ACTR3C: variants seen among roughly 807,000 people sequenced by gnomAD.
ACTR3C encodes actin-related protein 3C.
Under a neutral mutation model 26.3 loss-of-function variants are expected in ACTR3C, and 18 were observed. The ratio of observed to expected loss-of-function variants is 0.68; its 90% CI spans 0.47 to 1.01. The LOEUF (loss-of-function observed/expected upper bound fraction) is 1.01, where lower values mean the gene tolerates loss of function less well. Ranked by LOEUF, ACTR3C falls within the 50% of genes least tolerant of loss-of-function variation. The pLI, the probability that ACTR3C is intolerant of heterozygous loss-of-function variation, is 0.00. For synonymous variants in ACTR3C, 55 were observed against 94.5 expected (o/e 0.58, Z 2.42); for missense variants, 184 against 250.7 (o/e 0.73, Z 1.80).
the ACTR3C span, among the ~76,000 whole-genome samples, chr7:150,138,679 C>T: frequency 6.6e-6 from 1 of 152,270 alleles, no homozygotes; most frequent in Non-Finnish European, 1.5e-5. Context: ...GTAGTCTGTG[C>T]TCCCACAGTA....
At chr7:150,210,864 G>A in the ACTR3C span, among the ~76,000 whole-genome samples, 1 of 143,864 alleles carries the variant, frequency 7.0e-6, no homozygotes, top group Non-Finnish European at 1.5e-5. Flanking sequence ...TTATTAAACC[G>A]TACATTCTAA....
the ACTR3C span, among the ~76,000 whole-genome samples, chr7:150,186,617 C>G: frequency 6.6e-6 from 1 of 152,264 alleles, no homozygotes. Context: ...CCTCATTTTT[C>G]AACCCCCATA....
the ACTR3C span, among the ~76,000 whole-genome samples, chr7:150,169,232 AG>A: frequency 1.1e-3 from 163 of 149,882 alleles, 7 homozygotes; most frequent in East Asian, 0.013. Context: ...ATACAAAAAA[AG>A]TTAGCTGGGC....
At chr7:149,948,613 A>C in the ACTR3C span, among the ~76,000 whole-genome samples, 2 of 151,404 alleles carry the variant, frequency 1.3e-5, no homozygotes, top group East Asian at 3.9e-4. Context: ...GGCTGACCCC[A>C]TGGTCCCTCA....
At chr7:150,094,526 G>T in the ACTR3C span, among the ~76,000 whole-genome samples, 2 of 150,504 alleles carry the variant, frequency 1.3e-5, no homozygotes, top group East Asian at 1.9e-4. Flanking sequence ...CTGCTACCTC[G>T]TATGTGCCAG....
the ACTR3C span, among the ~76,000 whole-genome samples, chr7:150,048,693 C>T: frequency 1.3e-5 from 2 of 152,234 alleles, no homozygotes; most frequent in South Asian, 4.1e-4. Flanking sequence ...GCCCCCAGCT[C>T]TTCTTGCCTA....
At chr7:150,298,520 CTCCTCATGGG>C (rs2129613924) in intron 1 of ACTR3C, among the ~76,000 whole-genome samples, 1 of 146,714 alleles carries the variant, frequency 6.8e-6, no homozygotes, top group South Asian at 2.3e-4. Context: ...CTCCCTGAGT[CTCCTCATGGG>C]TAAAGTGCAG....
the ACTR3C span, among the ~76,000 whole-genome samples, chr7:150,144,732 A>G: frequency 6.6e-6 from 1 of 152,152 alleles, no homozygotes; most frequent in Non-Finnish European, 1.5e-5. The surrounding 1 kb of genome is among the most constrained non-coding windows in gnomAD (Gnocchi z 4.6). Context: ...GAAGCTCTAT[A>G]TTCTAACTGA....
At chr7:150,035,195 G>A in the ACTR3C span, among the ~76,000 whole-genome samples, 58 of 120,704 alleles carry the variant, frequency 4.8e-4, 3 homozygotes, top group Non-Finnish European at 8.0e-4. Flanking sequence ...CTCAGTCCCC[G>A]CCTCACGGGG....
chr7:150,287,265 A>G, intron 4 of ACTR3C, among the ~76,000 whole-genome samples: 1 of 152,004 alleles, frequency 6.6e-6, no homozygotes, highest in East Asian at 1.9e-4. Context: ...ACAATAAGCA[A>G]CCATAATAAG....
At chr7:150,035,393 G>T in the ACTR3C span, among the ~76,000 whole-genome samples, 3 of 52,060 alleles carry the variant, frequency 5.8e-5, 1 homozygote, top group African/African-American at 1.5e-4. Context: ...GTGCGATGGG[G>T]GTCCTAAGAT....
the ACTR3C span, among the ~76,000 whole-genome samples, chr7:149,898,826 T>TA: frequency 6.6e-6 from 1 of 152,108 alleles, no homozygotes; most frequent in Non-Finnish European, 1.5e-5. Flanking sequence ...TACAAGAGAA[T>TA]AAAAGTATAT....
At chr7:150,040,006 C>G in the ACTR3C span, among the ~76,000 whole-genome samples, 2 of 136,840 alleles carry the variant, frequency 1.5e-5, no homozygotes, top group African/African-American at 5.4e-5. Flanking sequence ...ATAGTGGTCC[C>G]AAGAGCCAGG....
At chr7:150,161,784 C>T in the ACTR3C span, among the ~76,000 whole-genome samples, 1 of 152,176 alleles carries the variant, frequency 6.6e-6, no homozygotes, top group Non-Finnish European at 1.5e-5. Context: ...ACAAACGTTG[C>T]CACTCTTTCA....
chr7:150,080,965 A>C, the ACTR3C span, among the ~76,000 whole-genome samples: 1 of 152,242 alleles, frequency 6.6e-6, no homozygotes, highest in African/African-American at 2.4e-5. Flanking sequence ...AGACAGCCAC[A>C]TTATAAAAGT....
At chr7:150,072,741 C>G in the ACTR3C span, among the ~76,000 whole-genome samples, 1 of 152,100 alleles carries the variant, frequency 6.6e-6, no homozygotes, top group East Asian at 1.9e-4. Flanking sequence ...TTTCCGGGAT[C>G]CAGGATGAAC....
chr7:150,182,173 C>T, the ACTR3C span, among the ~76,000 whole-genome samples: 15 of 150,478 alleles, frequency 1.0e-4, no homozygotes, highest in South Asian at 3.1e-3. Flanking sequence ...CAAAAACGAA[C>T]AAGCAGAAAA....
the ACTR3C span, among the ~76,000 whole-genome samples, chr7:149,942,505 G>A: frequency 6.6e-6 from 1 of 152,170 alleles, no homozygotes; most frequent in East Asian, 1.9e-4. Context: ...GGGAAGGAGT[G>A]GATGGGTTTC....
At chr7:150,247,662 C>T (rs1303990468) in intron 7 of ACTR3C, 93 bp from the exon 8 acceptor site, 1 of 140,020 alleles carries the variant, frequency 7.1e-6, no homozygotes, top group South Asian at 2.5e-4. Flanking sequence ...TTGATATGCC[C>T]CCACCAAATC....
Sources: gnomAD v4.1 joint callset for allele counts (sites outside exome capture counted in the v4.1 genomes callset) on GRCh38, gnomAD v4.1.1 for gene constraint, Gnocchi (gnomAD v3.1) non-coding constraint, MANE v1.5 for transcripts, NCBI Gene and HGNC (gene_info 2026-07-23, HGNC 2026-07-21) for gene names.